Variants in TTC29 observed in about 807,000 individuals in gnomAD.
TTC29 encodes the protein tetratricopeptide repeat domain 29.
In TTC29, 49 loss-of-function variants were observed where a neutral mutation model predicts 58.1. That is an observed-to-expected ratio of 0.84 (90% CI 0.67 to 1.07). TTC29 has a LOEUF of 1.07. TTC29 is among the 50% of genes least tolerant of loss of function. TTC29 has a pLI of 0.00. For missense variants in TTC29, 582 were observed against 555.6 expected, an observed-to-expected ratio of 1.05 and a Z score of -0.48; for synonymous variants, 209 against 196.8, an observed-to-expected ratio of 1.06 and a Z score of -0.52.
intron 8 of TTC29, among the ~76,000 whole-genome samples, chr4:146,835,602 A>G (rs1020214889): frequency 6.6e-6 from 1 of 152,116 alleles, no homozygotes. Flanking sequence ...TCTTAAGTAG[A>G]TGAGAATATG....
At chr4:146,773,323 G>A (rs953025743) in intron 11 of TTC29, among the ~76,000 whole-genome samples, 2 of 152,030 alleles carry the variant, frequency 1.3e-5, no homozygotes, top group Admixed American at 6.6e-5. Flanking sequence ...CTTCCAGCTT[G>A]TGACCATTCA....
At chr4:146,859,069 G>A (rs187947872) in intron 8 of TTC29, among the ~76,000 whole-genome samples, 13 of 152,256 alleles carry the variant, frequency 8.5e-5, no homozygotes, top group Admixed American at 7.8e-4. Flanking sequence ...ATGTCATGAT[G>A]TCATATTAAA....
chr4:146,848,604 G>A (rs1039933161), intron 8 of TTC29, among the ~76,000 whole-genome samples: 32 of 152,194 alleles, frequency 2.1e-4, no homozygotes, highest in Admixed American at 2.0e-4. Flanking sequence ...ACAAACTGCT[G>A]CTAGCATTCT....
At chr4:146,895,905 AGT>A (rs1732735734) in intron 6 of TTC29, among the ~76,000 whole-genome samples, 2 of 152,174 alleles carry the variant, frequency 1.3e-5, no homozygotes, top group South Asian at 4.1e-4. Flanking sequence ...TTTTTTTAAT[AGT>A]GTATTTATAA....
At chr4:146,871,898 C>T (rs1046971059) in intron 7 of TTC29, among the ~76,000 whole-genome samples, 1 of 151,966 alleles carries the variant, frequency 6.6e-6, no homozygotes. Flanking sequence ...AATTAACAAG[C>T]TGATCCTAAA....
intron 11 of TTC29, among the ~76,000 whole-genome samples, chr4:146,732,001 T>G (rs572272868): frequency 7.2e-5 from 11 of 152,324 alleles, no homozygotes; most frequent in Admixed American, 2.0e-4. Flanking sequence ...AGTAGTATAC[T>G]TCATATGACT....
intron 11 of TTC29, among the ~76,000 whole-genome samples, chr4:146,749,377 T>TA (rs1273438266): frequency 1.3e-5 from 2 of 150,964 alleles, no homozygotes; most frequent in African/African-American, 4.9e-5. Context: ...ATCAACAAAG[T>TA]AAAAAATATA....
chr4:146,916,507 A>G (rs1376339993), intron 4 of TTC29, among the ~76,000 whole-genome samples: 1 of 151,742 alleles, frequency 6.6e-6, no homozygotes, highest in African/African-American at 2.4e-5. Context: ...TGGGCTACCA[A>G]CAGCCATATA....
intron 8 of TTC29, among the ~76,000 whole-genome samples, chr4:146,855,201 G>A (rs1426762796): frequency 6.6e-6 from 1 of 152,128 alleles, no homozygotes; most frequent in Non-Finnish European, 1.5e-5. Context: ...GGGAGACTGA[G>A]GCAGGTGAAT....
chr4:146,842,810 C>A lies in TTC29; in HGVS notation c.886-8913G>T, dbSNP rs542863910. On this transcript the variant is annotated intron_variant, in intron 8 of 12. Transcript: ENST00000325106. ...GTGTATTACTTTGAGGAAAAAAGGG[C>A]AAAGATACAGATTTATACTTATGCA... is the stretch of plus-strand genomic sequence containing the variant. Among the ~76,000 whole-genome samples, 8 of 151,186 alleles carry A rather than the reference C, an allele frequency of 5.3e-5. No homozygotes were observed. In the East Asian group the frequency reaches 1.4e-3, roughly 26 times the overall value.
chr4:146,942,689 T>C (rs1736523887), intron 2 of TTC29: 2 of 1,441,274 alleles, frequency 1.4e-6, no homozygotes, highest in Non-Finnish European at 1.9e-6. Flanking sequence ...GTAGCCCTAG[T>C]AAATTTAAAA....
chr4:146,859,650 T>C (rs17022067), intron 8 of TTC29, among the ~76,000 whole-genome samples: 4,942 of 152,122 alleles, frequency 0.032, 134 homozygotes, highest in East Asian at 0.13. Context: ...TCAAGATTTA[T>C]TGACCTGAAA....
At chr4:146,720,370 C>T (rs760279669) in intron 11 of TTC29, among the ~76,000 whole-genome samples, 1 of 152,078 alleles carries the variant, frequency 6.6e-6, no homozygotes, top group Non-Finnish European at 1.5e-5. Context: ...CCCCAGAAGG[C>T]CTACCTATCC....
chr4:146,871,280 CA>C (rs1730911551), intron 7 of TTC29, among the ~76,000 whole-genome samples: 1 of 151,732 alleles, frequency 6.6e-6, no homozygotes, highest in Non-Finnish European at 1.5e-5. Flanking sequence ...TTGCAAAATC[CA>C]ACCCCCTTTC....
At chr4:146,907,839 T>A (rs1042170113) in intron 5 of TTC29, among the ~76,000 whole-genome samples, 1 of 152,144 alleles carries the variant, frequency 6.6e-6, no homozygotes, top group Non-Finnish European at 1.5e-5. Flanking sequence ...TTATTTACAA[T>A]AGTTAATTTC....
chr4:146,822,455 T>C (rs982961748), intron 9 of TTC29, among the ~76,000 whole-genome samples: 1 of 152,218 alleles, frequency 6.6e-6, no homozygotes, highest in Non-Finnish European at 1.5e-5. Context: ...ATGGTGTATA[T>C]GTACCACATT....
At chr4:146,782,753 C>T (rs150678416) in intron 11 of TTC29, among the ~76,000 whole-genome samples, 2 of 152,098 alleles carry the variant, frequency 1.3e-5, no homozygotes, top group African/African-American at 4.8e-5. Flanking sequence ...AGAAAATGAT[C>T]TGTCCAAACA....
intron 8 of TTC29, among the ~76,000 whole-genome samples, chr4:146,834,873 T>C (rs1728405196): frequency 1.3e-5 from 2 of 152,168 alleles, no homozygotes; most frequent in Middle Eastern, 3.2e-3. Flanking sequence ...AATGAGGCTA[T>C]TGCGACACTT....
intron 11 of TTC29, among the ~76,000 whole-genome samples, chr4:146,754,681 C>T (rs1746297182): frequency 6.6e-6 from 1 of 152,140 alleles, no homozygotes; most frequent in Admixed American, 6.5e-5. Flanking sequence ...ACAAGATTAT[C>T]TCAATTGACA....
Sources: allele counts gnomAD v4.1 joint callset (sites outside exome capture counted in the v4.1 genomes callset), GRCh38; gene constraint gnomAD v4.1.1; transcripts MANE v1.5; gene names NCBI Gene and HGNC (gene_info 2026-07-23, HGNC 2026-07-21).